The following ZNF676 variants were observed in gnomAD, a reference collection of about 807,000 sequenced individuals.
ZNF676 encodes zinc finger protein 676.
ZNF676 carries 4 observed loss-of-function variants against 6.0 expected under a neutral mutation model. The observed-to-expected ratio is 0.67, with a 90% CI of 0.33 to 1.53. The LOEUF (loss-of-function observed/expected upper bound fraction) is 1.53. ZNF676 is among the 40% of genes most tolerant of loss of function. The pLI, the probability that ZNF676 is intolerant of heterozygous loss-of-function variation, is 0.06. For synonymous variants in ZNF676, 198 were observed against 223.1 expected (o/e 0.89, Z 1.00); for missense variants, 644 against 679.7 (o/e 0.95, Z 0.58).
intron 1 of ZNF676, among the ~76,000 whole-genome samples, chr19:22,211,190 C>CCTTCT (rs1391164934): frequency 1.3e-4 from 20 of 151,824 alleles, no homozygotes; most frequent in Non-Finnish European, 2.9e-5. Context: ...AAGACACTCC[C>CCTTCT]AAACCCCTTC....
intron 2 of ZNF676, among the ~76,000 whole-genome samples, chr19:22,190,387 T>C (rs1035934934): frequency 3.3e-5 from 5 of 151,606 alleles, no homozygotes; most frequent in African/African-American, 1.2e-4. Context: ...CTCAATGTAA[T>C]CTACACAGTT....
At chr19:22,207,811 A>C (rs1358256880) in intron 1 of ZNF676, among the ~76,000 whole-genome samples, 1 of 152,174 alleles carries the variant, frequency 6.6e-6, no homozygotes, top group Non-Finnish European at 1.5e-5. Flanking sequence ...AAACCATCTG[A>C]TCTTCAACAA....
the ZNF676 span, among the ~76,000 whole-genome samples, chr19:22,252,142 C>A: frequency 6.6e-6 from 1 of 152,122 alleles, no homozygotes; most frequent in Non-Finnish European, 1.5e-5. Flanking sequence ...CGCCTGTAAT[C>A]TTAACACTTT....
At chr19:22,236,993 C>T in the ZNF676 span, among the ~76,000 whole-genome samples, 1 of 152,214 alleles carries the variant, frequency 6.6e-6, no homozygotes, top group East Asian at 1.9e-4. Context: ...ACGGTTCCCA[C>T]TGTTAGATCT....
intron 1 of ZNF676, among the ~76,000 whole-genome samples, chr19:22,212,016 GGTGA>G (rs10597031): frequency 0.32 from 47,992 of 150,998 alleles, 7,999 homozygotes; most frequent in South Asian, 0.42. Context: ...TGGCTAACAT[GGTGA>G]AACACCGTCT....
chr19:22,246,277 T>C, the ZNF676 span, among the ~76,000 whole-genome samples: 4 of 152,218 alleles, frequency 2.6e-5, no homozygotes, highest in Admixed American at 2.0e-4. Context: ...ATACACAATT[T>C]ATGCAAGACT....
the ZNF676 span, among the ~76,000 whole-genome samples, chr19:22,247,857 G>T: frequency 2.0e-5 from 3 of 152,062 alleles, no homozygotes; most frequent in African/African-American, 7.2e-5. Flanking sequence ...CCTCAAAAGG[G>T]GAAACTTTAG....
rs374753750 is a variant in ZNF676, at chr19:22,196,685, C to T, written c.-52G>A. The T allele has an allele frequency of 1.2e-6, 2 of 1,612,752 alleles. No homozygotes were observed. The highest frequency in any genetic ancestry group is 1.7e-5 in the Admixed American group (1 of 59,950). ...TAGAATCCAGGCATTGCCACTCCTCCAGAGAGAATTCTATGGCCACATCCC... is the reference window on the plus strand; with the variant it reads ...TAGAATCCAGGCATTGCCACTCCTCTAGAGAGAATTCTATGGCCACATCCC... On this transcript the variant is annotated 5_prime_UTR_variant, in exon 1 of 3. Transcript: ENST00000397121.
chr19:22,223,319 T>A, the ZNF676 span, among the ~76,000 whole-genome samples: 1 of 152,184 alleles, frequency 6.6e-6, no homozygotes, highest in Non-Finnish European at 1.5e-5. Context: ...TGAAGGTACT[T>A]GTTTTAGAGA....
chr19:22,223,682 T>C, the ZNF676 span, among the ~76,000 whole-genome samples: 1 of 152,124 alleles, frequency 6.6e-6, no homozygotes, highest in South Asian at 2.1e-4. Flanking sequence ...CATTCCTTAT[T>C]TACTAAAATA....
At chr19:22,215,089 G>A (rs1280882385) in intron 1 of ZNF676, among the ~76,000 whole-genome samples, 1 of 148,660 alleles carries the variant, frequency 6.7e-6, no homozygotes, top group Non-Finnish European at 1.5e-5. Flanking sequence ...CTACATAACT[G>A]TACCTAACCA....
the ZNF676 span, among the ~76,000 whole-genome samples, chr19:22,241,682 A>G: frequency 5.9e-5 from 9 of 151,800 alleles, no homozygotes; most frequent in Non-Finnish European, 1.2e-4. Context: ...TGAGACCTCC[A>G]TGCTGGTATG....
chr19:22,199,378 C>T (rs1374566654), upstream of ZNF676, among the ~76,000 whole-genome samples: 1 of 152,148 alleles, frequency 6.6e-6, no homozygotes, highest in Non-Finnish European at 1.5e-5. Flanking sequence ...TTAAAATTTA[C>T]AGAGAAAACA....
intron 1 of ZNF676, among the ~76,000 whole-genome samples, chr19:22,208,273 G>A (rs2024095847): frequency 1.5e-5 from 2 of 136,972 alleles, no homozygotes. Flanking sequence ...TAACTTAAAA[G>A]AAGACCAAAA....
chr19:22,219,729 C>T (rs886786332), upstream of ZNF676, among the ~76,000 whole-genome samples: 3 of 151,872 alleles, frequency 2.0e-5, no homozygotes, highest in Admixed American at 1.3e-4. Context: ...GATCTCTGCT[C>T]ACTGCAATCT....
Position 22,196,844 on chromosome 19 carries a change from G to T in ZNF676, c.-211C>A. The T allele has an allele frequency of 1.1e-6, 1 of 934,846 alleles. No individual in the cohort carries two copies. The highest frequency in any genetic ancestry group is 1.6e-6 in the Non-Finnish European group (1 of 609,620). 57.9% of individuals were successfully genotyped at this position (934,846 alleles called of 1,614,324 possible). ...CTGGTTCTGACTTATATGAATGACTGAAATTATTCAATAAAATAGTTTTCA... is the reference window on the plus strand; with the variant it reads ...CTGGTTCTGACTTATATGAATGACTTAAATTATTCAATAAAATAGTTTTCA... On this transcript the variant is annotated 5_prime_UTR_variant, in exon 1 of 3. Transcript: ENST00000397121.
At chr19:22,251,830 C>G in the ZNF676 span, among the ~76,000 whole-genome samples, 1 of 150,076 alleles carries the variant, frequency 6.7e-6, no homozygotes, top group Non-Finnish European at 1.5e-5. Flanking sequence ...TAATTCTGAA[C>G]ACATATTGGA....
chr19:22,191,545 T>A (rs1412808132), intron 2 of ZNF676, among the ~76,000 whole-genome samples: 1 of 152,018 alleles, frequency 6.6e-6, no homozygotes, highest in East Asian at 1.9e-4. Flanking sequence ...CTACATAGAA[T>A]CCCACAGTGA....
At chr19:22,216,032 CT>C (rs1410934684), upstream of ZNF676, among the ~76,000 whole-genome samples, 4 of 152,324 alleles carry the variant, frequency 2.6e-5, no homozygotes, top group African/African-American at 9.6e-5. Flanking sequence ...TTTATTCTCT[CT>C]TTTTAAATGT....
Sources: allele counts gnomAD v4.1 joint callset (sites outside exome capture counted in the v4.1 genomes callset), GRCh38; gene constraint gnomAD v4.1.1; transcripts MANE v1.5; gene names NCBI Gene and HGNC (gene_info 2026-07-23, HGNC 2026-07-21).